Variants in EYS observed in about 807,000 individuals in gnomAD.
EYS encodes the protein EGF-like photoreceptor maintenance factor.
A neutral mutation model predicts 282.1 loss-of-function variants in EYS; 250 were observed. The ratio of observed to expected loss-of-function variants is 0.89; its 90% confidence interval spans 0.80 to 0.98. The LOEUF is 0.98. Ranked by LOEUF, EYS falls within the 50% of genes least tolerant of loss-of-function variation. The pLI is 0.00. For missense variants in EYS, 4,016 were observed against 3,709.0 expected, an observed-to-expected ratio of 1.08 and a Z score of -2.15; for synonymous variants, 1,355 against 1,282.9, an observed-to-expected ratio of 1.06 and a Z score of -1.20.
At chr6:63,730,910 A>T (rs530136744) in intron 41 of EYS, among the ~76,000 whole-genome samples, 96 of 152,328 alleles carry the variant, frequency 6.3e-4, no homozygotes, top group African/African-American at 2.2e-3. Flanking sequence ...AGCCCCAGCT[A>T]TTCAGGAGGC....
chr6:64,555,859 C>A lies in EYS; in HGVS notation c.5644+34364G>T, dbSNP rs189970055. 5.9e-5 allele frequency among the ~76,000 whole-genome samples: 9 copies of A among 151,874 alleles called. No homozygotes were observed. The East Asian group carries it at 1.5e-3, about 26-fold the overall frequency. On this transcript the variant is annotated intron_variant, in intron 26 of 42. Transcript: ENST00000503581. Reference sequence around the variant, plus strand: ...AGTGAAATCTAAAATACTGTACACACCACAAGGATAGCAAAAATTAAAACA... The same window carrying A: ...AGTGAAATCTAAAATACTGTACACAACACAAGGATAGCAAAAATTAAAACA...
intron 2 of EYS, among the ~76,000 whole-genome samples, chr6:65,559,456 C>A (rs1768948601): frequency 6.6e-6 from 1 of 152,026 alleles, no homozygotes; most frequent in Non-Finnish European, 1.5e-5. Flanking sequence ...CATGTAACTA[C>A]TGGTTGTTTT....
At chr6:65,498,158 G>T (rs916246257) in intron 2 of EYS, among the ~76,000 whole-genome samples, 1 of 152,002 alleles carries the variant, frequency 6.6e-6, no homozygotes, top group Non-Finnish European at 1.5e-5. Flanking sequence ...GAAGAGGGGA[G>T]AAGTCTGATT....
intron 29 of EYS, among the ~76,000 whole-genome samples, chr6:64,315,459 T>C (rs575838111): frequency 5.0e-4 from 75 of 151,500 alleles, no homozygotes; most frequent in Non-Finnish European, 9.6e-4. Context: ...CAGAGACACA[T>C]ACACAAAAAG....
chr6:65,182,535 A>T (rs1581991425), intron 12 of EYS, among the ~76,000 whole-genome samples: 1 of 151,844 alleles, frequency 6.6e-6, no homozygotes, highest in East Asian at 2.0e-4. Flanking sequence ...CATTTTCATG[A>T]TTTTTTAAAT....
At chr6:64,984,872 C>T (rs1770801953) in intron 14 of EYS, among the ~76,000 whole-genome samples, 2 of 151,416 alleles carry the variant, frequency 1.3e-5, no homozygotes, top group Non-Finnish European at 3.0e-5. Flanking sequence ...TTCTTAGCTT[C>T]CGGAAATTAT....
In EYS at chr6:64,593,094, ATATCT is replaced by A. The variant is rs139235690; in HGVS notation, c.3877+18_3877+22del. The stretch of plus-strand genomic sequence containing the variant: ...AACTTTTTCAAACTCAAACTTCTTA[ATATCT>A]TACCCACTTCTACTTACCTTGATCA... On this transcript the variant is annotated intron_variant, in intron 25 of 42. Coordinates refer to ENST00000503581, the MANE Select transcript of EYS (RefSeq NM_001142800.2). 187,370 of 1,452,448 alleles carry A rather than the reference ATATCT, an allele frequency of 0.13. 12,832 individuals carry two copies. The highest frequency in any genetic ancestry group is 0.14 in the East Asian group (5,218 of 36,268). The allele number at this position is 1,452,448 out of a possible 1,614,324, so 90.0% of individuals were successfully genotyped here. A position where few individuals can be genotyped will look rare whatever the true frequency, so the allele number is the denominator to read the frequency against.
rs574720733 is a variant in EYS at position 64,369,204 on chromosome 6, T to C, written c.6078+19486A>G. Among the ~76,000 whole-genome samples the C allele has an allele frequency of 2.6e-5, 4 of 152,240 alleles. No individual in the cohort carries two copies. The East Asian group carries it at 7.7e-4, about 29-fold the overall frequency. On this transcript the variant is annotated intron_variant, in intron 29 of 42. Coordinates refer to ENST00000503581, the MANE Select transcript of EYS (RefSeq NM_001142800.2). ...GTCCTTTCCCTATTACTTGTTTATGTCAGTTTTGTCAATCAGATAGTTATA... is the reference window on the plus strand; with the variant it reads ...GTCCTTTCCCTATTACTTGTTTATGCCAGTTTTGTCAATCAGATAGTTATA...
intron 8 of EYS, among the ~76,000 whole-genome samples, chr6:65,353,869 C>T (rs971743517): frequency 6.6e-6 from 1 of 151,772 alleles, no homozygotes; most frequent in South Asian, 2.1e-4. Flanking sequence ...TACAACAGTC[C>T]CTAATCTTCT....
chr6:64,668,945 A>G (rs1264772083), intron 22 of EYS, among the ~76,000 whole-genome samples: 3 of 152,084 alleles, frequency 2.0e-5, no homozygotes, highest in Non-Finnish European at 4.4e-5. Context: ...TAAATAAATC[A>G]CGTGTTTTGC....
rs534924521 is a variant in EYS, at chr6:65,085,799, G to A, written c.2024-28072C>T. 1.8e-4 allele frequency among the ~76,000 whole-genome samples: 27 copies of A among 152,028 alleles called. No homozygotes were observed. In the South Asian group the frequency reaches 5.0e-3, roughly 28 times the overall value. ...CGTAGCTTTTTGTTTAGTCAAATGGGACCATTTAGTTTATTTTTCTTTTGC... is the reference window on the plus strand; with the variant it reads ...CGTAGCTTTTTGTTTAGTCAAATGGAACCATTTAGTTTATTTTTCTTTTGC... On this transcript the variant is annotated intron_variant, in intron 12 of 42. Coordinates refer to ENST00000503581, the MANE Select transcript of EYS (RefSeq NM_001142800.2).
intron 35 of EYS, among the ~76,000 whole-genome samples, chr6:63,917,973 G>GT (rs1764468935): frequency 6.6e-6 from 1 of 152,146 alleles, no homozygotes; most frequent in Admixed American, 6.5e-5. Flanking sequence ...TCAAAATCCT[G>GT]CAAAGCCTTG....
chr6:64,300,709 A>C (rs528432362), intron 30 of EYS, among the ~76,000 whole-genome samples: 1 of 152,322 alleles, frequency 6.6e-6, no homozygotes, highest in African/African-American at 2.4e-5. Flanking sequence ...TTTGCAACCT[A>C]TAGGGCCCCT....
intron 26 of EYS, among the ~76,000 whole-genome samples, chr6:64,439,886 A>G (rs1774878536): frequency 6.6e-6 from 1 of 151,926 alleles, no homozygotes; most frequent in Non-Finnish European, 1.5e-5. Flanking sequence ...CACTTTGAGC[A>G]AAATACTCCA....
At chr6:65,576,522 AC>A (rs1764674424) in intron 2 of EYS, among the ~76,000 whole-genome samples, 1 of 151,988 alleles carries the variant, frequency 6.6e-6, no homozygotes, top group Non-Finnish European at 1.5e-5. Flanking sequence ...GAGGAATAAG[AC>A]AAGTATGCCC....
At chr6:64,462,962 T>TC (rs1775798343) in intron 26 of EYS, among the ~76,000 whole-genome samples, 1 of 149,666 alleles carries the variant, frequency 6.7e-6, no homozygotes, top group East Asian at 1.9e-4. Context: ...TTTTTTTTTT[T>TC]TGAGATGAAG....
At chr6:63,956,329 G>A (rs746354313) in intron 35 of EYS, among the ~76,000 whole-genome samples, 4 of 151,948 alleles carry the variant, frequency 2.6e-5, no homozygotes, top group Admixed American at 6.6e-5. Context: ...TGTGACCACC[G>A]CCCCTGCCTG....
At chr6:65,671,454 A>G (rs781424374) in intron 1 of EYS, among the ~76,000 whole-genome samples, 11 of 152,266 alleles carry the variant, frequency 7.2e-5, no homozygotes, top group Middle Eastern at 6.8e-3. Context: ...TAAACTTTGA[A>G]CAAAAAAAAC....
chr6:63,728,518 C>T (rs1768699621), intron 41 of EYS, among the ~76,000 whole-genome samples: 1 of 152,174 alleles, frequency 6.6e-6, no homozygotes, highest in Non-Finnish European at 1.5e-5. Context: ...CAGCCTTCTC[C>T]ACTGTCAGTA....
Sources: gnomAD v4.1 joint callset for allele counts (sites outside exome capture counted in the v4.1 genomes callset) on GRCh38, gnomAD v4.1.1 for gene constraint, MANE v1.5 for transcripts, NCBI Gene and HGNC (gene_info 2026-07-23, HGNC 2026-07-21) for gene names.